Variants in SLC1A2 observed in about 807,000 individuals in gnomAD.
SLC1A2 encodes the protein excitatory amino acid transporter 2.
Under a neutral mutation model 48.8 loss-of-function variants are expected in SLC1A2, and 15 were observed. That is an observed-to-expected ratio of 0.31 (90% CI 0.21 to 0.47). The LOEUF is 0.47. Ranked by LOEUF, SLC1A2 falls within the 20% of genes least tolerant of loss-of-function variation. The probability of loss-of-function intolerance (pLI) is 0.99; values close to 1 mark genes in which losing one functional copy is unlikely to be tolerated. For synonymous variants in SLC1A2, 279 were observed against 272.6 expected (o/e 1.02, Z -0.23); for missense variants, 502 against 730.5 (o/e 0.69, Z 3.61).
chr11:35,406,828 G>A (rs2145906), intron 1 of SLC1A2, among the ~76,000 whole-genome samples: 87,697 of 151,954 alleles, frequency 0.58, 25,665 homozygotes, highest in Middle Eastern at 0.69. Context: ...CAGTTAGGTT[G>A]TAGGATATAT....
At chr11:35,309,482 C>T (rs1221851275) in intron 4 of SLC1A2, among the ~76,000 whole-genome samples, 2 of 152,196 alleles carry the variant, frequency 1.3e-5, no homozygotes, top group Non-Finnish European at 2.9e-5. Context: ...GGAAATCTCA[C>T]TTTGGTTCAA....
At position 35,292,195 on chromosome 11, in the gene SLC1A2, GAACTTT is replaced by G. The variant is rs1851031913; in HGVS notation, c.1091+86_1091+91del. 78 of 890,202 alleles carry G rather than the reference GAACTTT, an allele frequency of 8.8e-5. 2 individuals are homozygous for G. In the South Asian group the frequency reaches 1.2e-3, roughly 14 times the overall value. 55.1% of individuals were successfully genotyped at this position (890,202 alleles called of 1,614,324 possible). A position where few individuals can be genotyped will look rare whatever the true frequency, so the allele number is the denominator to read the frequency against. On this transcript the variant is annotated intron_variant, in intron 7 of 10. Coordinates refer to ENST00000278379, the MANE Select transcript of SLC1A2 (RefSeq NM_004171.4). ...GTAATGTGTGCCAAGTGTTCTTATTGAACTTTGTGATGGGAGGGTTTTGAGAAATGA... is the reference window on the plus strand; with the variant it reads ...GTAATGTGTGCCAAGTGTTCTTATTGGTGATGGGAGGGTTTTGAGAAATGA...
chr11:35,272,291 T>C (rs976661329), intron 9 of SLC1A2, among the ~76,000 whole-genome samples: 2 of 152,184 alleles, frequency 1.3e-5, no homozygotes, highest in Non-Finnish European at 2.9e-5. Context: ...AAAGGTAAGA[T>C]TATGAAAATA....
chr11:35,402,253 C>T (rs1590279074), intron 1 of SLC1A2, among the ~76,000 whole-genome samples: 1 of 152,168 alleles, frequency 6.6e-6, no homozygotes, highest in Non-Finnish European at 1.5e-5. Context: ...ACTTTCAGTG[C>T]CACCCACCAA....
chr11:35,413,833 C>T (rs142256280), intron 1 of SLC1A2: 1 of 152,282 alleles, frequency 6.6e-6, no homozygotes, highest in East Asian at 1.9e-4. Context: ...AGTCCTGTGC[C>T]AGATTACAAA....
At chr11:35,382,822 G>A (rs1854473653) in intron 1 of SLC1A2, among the ~76,000 whole-genome samples, 1 of 152,060 alleles carries the variant, frequency 6.6e-6, no homozygotes, top group African/African-American at 2.4e-5. Context: ...CCTCCTAAAG[G>A]GTAGGTGAAT....
intron 1 of SLC1A2, among the ~76,000 whole-genome samples, chr11:35,374,896 C>G (rs1313105497): frequency 1.3e-5 from 2 of 152,086 alleles, no homozygotes; most frequent in Non-Finnish European, 2.9e-5. Flanking sequence ...CTATATAAAT[C>G]GTACATGTGT....
intron 4 of SLC1A2, among the ~76,000 whole-genome samples, chr11:35,311,595 T>G (rs1851689839): frequency 6.6e-6 from 1 of 152,200 alleles, no homozygotes; most frequent in Non-Finnish European, 1.5e-5. Context: ...CTTTGTGTAC[T>G]TCTATACTTT....
intron 2 of SLC1A2, 185 bp downstream of exon 2, chr11:35,317,192 A>G: frequency 1.8e-6 from 1 of 570,412 alleles, no homozygotes. Flanking sequence ...AATCCAAAGG[A>G]GAATGAATGG....
intron 1 of SLC1A2, among the ~76,000 whole-genome samples, chr11:35,351,434 T>C (rs1397496509): frequency 6.6e-6 from 1 of 152,172 alleles, no homozygotes; most frequent in African/African-American, 2.4e-5. Flanking sequence ...CCTACTGACA[T>C]GGACGTGTGT....
chr11:35,319,539 G>A (rs10836372), intron 1 of SLC1A2, among the ~76,000 whole-genome samples: 50,587 of 152,042 alleles, frequency 0.33, 9,108 homozygotes, highest in South Asian at 0.55. Flanking sequence ...CAGGCACATG[G>A]TTGGTATTCA....
chr11:35,341,087 T>C (rs890939370), intron 1 of SLC1A2, among the ~76,000 whole-genome samples: 1 of 152,204 alleles, frequency 6.6e-6, no homozygotes, highest in African/African-American at 2.4e-5. Flanking sequence ...AAAATATTTT[T>C]TAAATGGTAT....
At chr11:35,404,631 C>T (rs1855231596) in intron 1 of SLC1A2, 1 of 152,216 alleles carries the variant, frequency 6.6e-6, no homozygotes, top group African/African-American at 2.4e-5. Flanking sequence ...TCCTTCAAAG[C>T]AGCAGGAAAA....
intron 1 of SLC1A2, among the ~76,000 whole-genome samples, chr11:35,340,624 T>C (rs1435754665): frequency 6.6e-6 from 1 of 152,220 alleles, no homozygotes; most frequent in Non-Finnish European, 1.5e-5. Context: ...AGGAAAAAGA[T>C]TGTAGCGTAA....
intron 1 of SLC1A2, among the ~76,000 whole-genome samples, chr11:35,400,481 G>A (rs538849876): frequency 6.6e-6 from 1 of 152,160 alleles, no homozygotes; most frequent in Middle Eastern, 3.4e-3. Flanking sequence ...AATGTTAAAG[G>A]CATTTATTCC....
rs1487993764 is a variant in SLC1A2, at chr11:35,284,083, T to TTCA, written c.1286+2673_1286+2674insTGA. On this transcript the variant is annotated intron_variant, in intron 8 of 10. Transcript: ENST00000278379. ...TAATTCATAGGGTGGTTGTGAAGAT[T>TTCA]TTATTATATATATATATATATATAT... Among the ~76,000 whole-genome samples, 294 of 72,110 alleles carry TTCA rather than the reference T, an allele frequency of 4.1e-3. 1 individual carries two copies. The highest frequency in any genetic ancestry group is 0.012 in the African/African-American group (271 of 21,780). The allele number at this position is 72,110 out of a possible 152,430, so 47.3% of individuals were successfully genotyped here.
chr11:35,322,129 C>T (rs1297721624), intron 1 of SLC1A2, among the ~76,000 whole-genome samples: 1 of 152,180 alleles, frequency 6.6e-6, no homozygotes, highest in African/African-American at 2.4e-5. Context: ...TAATTTCCTT[C>T]AGCCTTAGCC....
intron 1 of SLC1A2, among the ~76,000 whole-genome samples, chr11:35,374,719 T>A (rs1453823068): frequency 6.6e-6 from 1 of 152,244 alleles, no homozygotes; most frequent in Admixed American, 6.5e-5. Context: ...ATGTCCTGTG[T>A]CATTAATGAG....
chr11:35,267,680 C>A (rs1220873290), intron 9 of SLC1A2, among the ~76,000 whole-genome samples: 3 of 152,032 alleles, frequency 2.0e-5, no homozygotes, highest in African/African-American at 7.3e-5. Flanking sequence ...AGCTACTCCA[C>A]TATACTTTCA....
Sources: allele counts gnomAD v4.1 joint callset (sites outside exome capture counted in the v4.1 genomes callset), GRCh38; gene constraint gnomAD v4.1.1; transcripts MANE v1.5; gene names NCBI Gene and HGNC (gene_info 2026-07-23, HGNC 2026-07-21).